SH3GLB1: variants seen among roughly 807,000 people sequenced by gnomAD.
SH3GLB1 encodes endophilin-B1.
SH3GLB1 carries 17 observed loss-of-function variants against 42.0 expected under a neutral mutation model. The observed-to-expected ratio is 0.40, with a 90% CI of 0.28 to 0.61. The LOEUF is 0.61. Among genes scored for constraint, SH3GLB1 ranks in the 20% least tolerant of loss-of-function variants. The pLI is 0.36. For synonymous variants in SH3GLB1, 132 were observed against 146.6 expected (o/e 0.90, Z 0.72); for missense variants, 355 against 426.3 (o/e 0.83, Z 1.47).
chr1:86,724,898 TATATATATATATATAAAATATATA>T (rs1254997539), intron 5 of SH3GLB1, among the ~76,000 whole-genome samples: 2 of 122,424 alleles, frequency 1.6e-5, no homozygotes, highest in African/African-American at 7.1e-5. Context: ...AAAAAATATA[TATATATATATATATAAAATATATA>T]ATATATATGT....
Position 86,744,975 on chromosome 1 carries a change from C to T in SH3GLB1, c.*1740C>T, listed in dbSNP as rs1656231818. 1 of 152,194 alleles carries T rather than the reference C, an allele frequency of 6.6e-6. No homozygotes were observed. Among genetic ancestry groups the T allele is most frequent in the Admixed American group, 6.5e-5 (1 of 15,268 alleles). The allele number at this position is 152,194 out of a possible 1,614,324, so 9.4% of individuals were successfully genotyped here. A position where few individuals can be genotyped will look rare whatever the true frequency, so the allele number is the denominator to read the frequency against. ...AAGTAAATGAAATTTTCTCTCCCCT[C>T]AGAAAGGAAGTTCTACAGCCTAGAG... is the stretch of plus-strand genomic sequence containing the variant. On this transcript the variant is annotated 3_prime_UTR_variant, in exon 9 of 9. Coordinates refer to ENST00000370558, the MANE Select transcript of SH3GLB1 (RefSeq NM_016009.5).
intron 5 of SH3GLB1, among the ~76,000 whole-genome samples, chr1:86,732,163 G>A (rs576905765): frequency 6.6e-6 from 1 of 152,332 alleles, no homozygotes; most frequent in Non-Finnish European, 1.5e-5. Context: ...CACTGATCAA[G>A]ATAGTCACAG....
At chr1:86,722,298 A>G (rs1055152013) in intron 3 of SH3GLB1, among the ~76,000 whole-genome samples, 4 of 152,018 alleles carry the variant, frequency 2.6e-5, no homozygotes, top group Admixed American at 6.6e-5. Context: ...CCATTGGTAG[A>G]ATTGGTACAA....
At chr1:86,733,430 T>C (rs9662360) in intron 5 of SH3GLB1, among the ~76,000 whole-genome samples, 4 of 152,148 alleles carry the variant, frequency 2.6e-5, no homozygotes, top group South Asian at 2.1e-4. Flanking sequence ...TTGGGTTTTT[T>C]TTGTTTTTCG....
At position 86,745,249 on chromosome 1, in the gene SH3GLB1, T is replaced by A. The variant is rs187273072; in HGVS notation, c.*2014T>A. On this transcript the variant is annotated 3_prime_UTR_variant, in exon 9 of 9. Coordinates refer to ENST00000370558, the MANE Select transcript of SH3GLB1 (RefSeq NM_016009.5). ...ACCAGTAAAATGAGGACAATAATTA[T>A]GACACCATAGGGTGGTTGTGAGGAT... The A allele has an allele frequency of 6.6e-6, 1 of 152,352 alleles. No homozygotes were observed. The highest frequency in any genetic ancestry group is 1.9e-4 in the East Asian group (1 of 5,188). 9.4% of individuals were successfully genotyped at this position (152,352 alleles called of 1,614,324 possible). A position where few individuals can be genotyped will look rare whatever the true frequency, so the allele number is the denominator to read the frequency against.
At chr1:86,705,209 G>A (rs1334343120) in intron 1 of SH3GLB1, among the ~76,000 whole-genome samples, 3 of 152,256 alleles carry the variant, frequency 2.0e-5, no homozygotes, top group Admixed American at 6.5e-5. Flanking sequence ...GGGGCCGGGA[G>A]CTTCCTCCCA....
chr1:86,712,427 A>G lies in SH3GLB1; in HGVS notation c.73-3297A>G, dbSNP rs570729234. ...TATAGCATGATAAGACTATGACTCA[A>G]ACAGATGTGAGATTGAATCCCAACA... On this transcript the variant is annotated intron_variant, in intron 1 of 8. Transcript: ENST00000370558. Among the ~76,000 whole-genome samples the G allele has an allele frequency of 8.5e-5, 13 of 152,326 alleles. 1 individual carries two copies. In the South Asian group the frequency reaches 1.9e-3, roughly 22 times the overall value.
chr1:86,724,902 T>TATATATATATATATA (rs1227762213), intron 5 of SH3GLB1, among the ~76,000 whole-genome samples: 35 of 129,926 alleles, frequency 2.7e-4, no homozygotes, highest in African/African-American at 1.1e-3. Context: ...AATATATATA[T>TATATATATATATATA]ATATATATAT....
In SH3GLB1 at chr1:86,747,021, C is replaced by G. The variant is rs1162151019; in HGVS notation, c.*3786C>G. 1 of 152,520 alleles carries G rather than the reference C, an allele frequency of 6.6e-6. No homozygotes were observed. Among genetic ancestry groups the G allele is most frequent in the African/African-American group, 2.4e-5 (1 of 41,408 alleles). 9.4% of individuals were successfully genotyped at this position (152,520 alleles called of 1,614,324 possible). A position where few individuals can be genotyped will look rare whatever the true frequency, so the allele number is the denominator to read the frequency against. On this transcript the variant is annotated 3_prime_UTR_variant, in exon 9 of 9. Transcript: ENST00000370558. ...TTCATTTTTACTTATTTTTTGTTTT[C>G]AAGGGCTCATGGAATCAGTCTTCCA...
intron 7 of SH3GLB1, among the ~76,000 whole-genome samples, chr1:86,737,572 A>G (rs900345766): frequency 6.6e-6 from 1 of 152,258 alleles, no homozygotes; most frequent in East Asian, 1.9e-4. Flanking sequence ...ATTTAAAACT[A>G]TTTCACCCTT....
At chr1:86,738,806 C>G (rs1004903827) in intron 7 of SH3GLB1, 5 of 152,118 alleles carry the variant, frequency 3.3e-5, no homozygotes, top group African/African-American at 1.2e-4. Flanking sequence ...CCATGCCCAG[C>G]TAATTTTTTG....
intron 3 of SH3GLB1, among the ~76,000 whole-genome samples, chr1:86,720,015 A>C (rs1293603000): frequency 2.0e-5 from 3 of 151,578 alleles, no homozygotes; most frequent in Admixed American, 2.0e-4. Context: ...AAAAAAAAAA[A>C]AACATAGTAG....
Position 86,742,312 on chromosome 1 carries a change from G to C in SH3GLB1, c.866G>C (p.Gly289Ala), listed in dbSNP as rs1656099052. 1 of 1,613,958 alleles carries C rather than the reference G, an allele frequency of 6.2e-7. No individual in the cohort carries two copies. The highest frequency in any genetic ancestry group is 8.5e-7 in the Non-Finnish European group (1 of 1,180,014). ...TCTTCTGCCATGGCTTCAACAAGTGGCCTAGTAATCACCTCTCCTTCCAAC... is the reference window on the plus strand; with the variant it reads ...TCTTCTGCCATGGCTTCAACAAGTGCCCTAGTAATCACCTCTCCTTCCAAC... The part of the protein sequence containing the change: ...IGSSAMASTS[G>A]LVITSPSNLS... Residue 289 changes from glycine to alanine, a missense_variant, in exon 8 of 9, where the codon GGC becomes GCC. Physicochemically the swap from Gly to Ala is moderately conservative, Grantham distance 60 (BLOSUM62 0). Coordinates refer to ENST00000370558, the MANE Select transcript of SH3GLB1 (RefSeq NM_016009.5).
At chr1:86,712,847 A>G (rs1447083239) in intron 1 of SH3GLB1, among the ~76,000 whole-genome samples, 1 of 152,202 alleles carries the variant, frequency 6.6e-6, no homozygotes, top group African/African-American at 2.4e-5. Flanking sequence ...GACTCATACA[A>G]ATAAATCACT....
chr1:86,716,978 CTT>C (rs1270516396), intron 2 of SH3GLB1, among the ~76,000 whole-genome samples: 1 of 152,146 alleles, frequency 6.6e-6, no homozygotes, highest in Non-Finnish European at 1.5e-5. Context: ...ATAGTAGTGA[CTT>C]TTTAAATACA....
intron 5 of SH3GLB1, among the ~76,000 whole-genome samples, chr1:86,725,608 T>C (rs1351276058): frequency 6.6e-6 from 1 of 152,194 alleles, no homozygotes; most frequent in East Asian, 1.9e-4. Context: ...CCCTGCCTTC[T>C]GTTTCCAAGT....
chr1:86,718,185 A>G (rs1014676561), intron 2 of SH3GLB1, among the ~76,000 whole-genome samples: 3 of 151,934 alleles, frequency 2.0e-5, no homozygotes, highest in African/African-American at 7.3e-5. Context: ...GATTACAGGC[A>G]TGCGCTACCA....
Position 86,734,675 on chromosome 1 carries a change from G to T in SH3GLB1, c.644G>T (p.Gly215Val), listed in dbSNP as rs1655690984. The change falls in exon 6 of 9, where the codon GGA becomes GTA. Residue 215 changes from glycine to valine, a missense_variant. Gly to Val is a moderately radical substitution (Grantham distance 109). Transcript: ENST00000370558. ...GAGATTACCAGACTTCTGCTAGAGG[G>T]AATCAGCAGTACACATGTGAGTATT... ...QAEITRLLLE[G>V]ISSTHAHHLR... 1.9e-6 allele frequency: 3 copies of T among 1,612,284 alleles called. No homozygotes were observed. Among genetic ancestry groups the T allele is most frequent in the Admixed American group, 1.7e-5 (1 of 59,992 alleles).
chr1:86,711,047 A>G (rs970725322), intron 1 of SH3GLB1, among the ~76,000 whole-genome samples: 1 of 152,210 alleles, frequency 6.6e-6, no homozygotes, highest in Non-Finnish European at 1.5e-5. Flanking sequence ...TCTAAAGAAC[A>G]GCCAAAATTG....
Sources: allele counts gnomAD v4.1 joint callset (sites outside exome capture counted in the v4.1 genomes callset), GRCh38; gene constraint gnomAD v4.1.1; transcripts MANE v1.5; gene names NCBI Gene and HGNC (gene_info 2026-07-23, HGNC 2026-07-21).